Variants in SYNE1 observed in about 807,000 individuals in gnomAD.
SYNE1 encodes the protein nesprin-1.
In SYNE1, 616 loss-of-function variants were observed where a neutral mutation model predicts 1,111.0. That is an observed-to-expected ratio of 0.55 (90% CI 0.52 to 0.59). The LOEUF (loss-of-function observed/expected upper bound fraction) is 0.59, where lower values mean the gene tolerates loss of function less well. Among genes scored for constraint, SYNE1 ranks in the 20% least tolerant of loss-of-function variants. The pLI is 0.00. For synonymous variants in SYNE1, 3,855 were observed against 3,825.8 expected (o/e 1.01, Z -0.28); for missense variants, 10,006 against 10,417.0 (o/e 0.96, Z 1.72).
intron 3 of SYNE1, among the ~76,000 whole-genome samples, chr6:152,551,243 G>A (rs971066723): frequency 2.6e-5 from 4 of 152,088 alleles, no homozygotes; most frequent in South Asian, 2.1e-4. Flanking sequence ...AACCTGCCAC[G>A]TACACAGAGA....
chr6:152,367,554 A>G, intron 61 of SYNE1, 172 bp from the exon 62 acceptor site: 1 of 755,304 alleles, frequency 1.3e-6, no homozygotes. Context: ...AAATCATAAA[A>G]CTATTAGAAT....
At chr6:152,604,990 AAGAAAGAAAGAAAGAAAGAGAGAG>A (rs1179281272) in intron 3 of SYNE1, among the ~76,000 whole-genome samples, 6 of 27,220 alleles carry the variant, frequency 2.2e-4, no homozygotes, top group African/African-American at 5.2e-4. Context: ...GAAAGAAAGA[AAGAAAGAAAGAAAGAAAGAGAGAG>A]AGAGAGAGAG....
intron 129 of SYNE1, among the ~76,000 whole-genome samples, chr6:152,177,986 G>A (rs1008758890): frequency 6.6e-6 from 1 of 151,040 alleles, no homozygotes; most frequent in Non-Finnish European, 1.5e-5. Context: ...ACCAAACCTT[G>A]ATGTTATTTT....
intron 133 of SYNE1, among the ~76,000 whole-genome samples, chr6:152,152,815 T>G (rs1215977912): frequency 6.6e-6 from 1 of 152,164 alleles, no homozygotes; most frequent in Non-Finnish European, 1.5e-5. Context: ...TTTAATTAGT[T>G]TTTATAAAAC....
At chr6:152,449,924 G>T (rs2098633408) in intron 27 of SYNE1, among the ~76,000 whole-genome samples, 1 of 152,200 alleles carries the variant, frequency 6.6e-6, no homozygotes, top group Non-Finnish European at 1.5e-5. Context: ...GGGACCACTT[G>T]AGGTCTGGCC....
intron 29 of SYNE1, among the ~76,000 whole-genome samples, chr6:152,445,228 C>T (rs1289922177): frequency 1.3e-5 from 2 of 151,272 alleles, no homozygotes; most frequent in Non-Finnish European, 3.0e-5. Flanking sequence ...AAAGTGAGTC[C>T]GTATTATTTA....
chr6:152,613,240 T>C (rs1201948762), intron 3 of SYNE1, among the ~76,000 whole-genome samples: 2 of 152,184 alleles, frequency 1.3e-5, no homozygotes, highest in Non-Finnish European at 2.9e-5. Flanking sequence ...ATTGTATATT[T>C]AGAAAACCCC....
chr6:152,132,631 T>C (rs2056072855), intron 143 of SYNE1, among the ~76,000 whole-genome samples: 1 of 152,220 alleles, frequency 6.6e-6, no homozygotes, highest in Non-Finnish European at 1.5e-5. Flanking sequence ...TCTGCCTTTT[T>C]GCATTAGAGG....
At chr6:152,432,139 G>A (rs909771402) in intron 34 of SYNE1, among the ~76,000 whole-genome samples, 35 of 152,224 alleles carry the variant, frequency 2.3e-4, no homozygotes, top group African/African-American at 7.9e-4. Context: ...CCCAGCATAT[G>A]TTCTTATCAT....
rs1237477453 is a variant in SYNE1, at chr6:152,413,347, C to T, written c.6230+5G>A. 1.2e-6 allele frequency: 2 copies of T among 1,613,978 alleles called. No individual in the cohort carries two copies. Among genetic ancestry groups the T allele is most frequent in the Admixed American group, 1.7e-5 (1 of 59,994 alleles). On this transcript the variant is annotated splice_donor_5th_base_variant and intron_variant, in intron 42 of 145. Coordinates refer to ENST00000367255, the MANE Select transcript of SYNE1 (RefSeq NM_182961.4). ...AAAACAAGAACTGGGTGGGTTTTGA[C>T]TTACTTTTCATGAATTAGTCTTTTG...
intron 4 of SYNE1, among the ~76,000 whole-genome samples, chr6:152,528,606 G>A (rs558843779): frequency 6.5e-4 from 99 of 152,308 alleles, no homozygotes; most frequent in African/African-American, 2.3e-3. Flanking sequence ...TCATAGTGCT[G>A]AAGGTCAAAA....
At chr6:152,483,002 G>T in intron 14 of SYNE1, 83 bp downstream of exon 14, 2 of 1,495,896 alleles carry the variant, frequency 1.3e-6, no homozygotes, top group Non-Finnish European at 9.3e-7. Context: ...GGGCGTCCCC[G>T]CCAGAGCAGG....
At chr6:152,607,361 C>T (rs185367814) in intron 3 of SYNE1, among the ~76,000 whole-genome samples, 1 of 151,958 alleles carries the variant, frequency 6.6e-6, no homozygotes, top group South Asian at 2.1e-4. Flanking sequence ...GTAAGGAAGT[C>T]CTATAGAAAA....
In SYNE1 at chr6:152,427,208, T is replaced by G. The variant is rs144573574; in HGVS notation, c.5100+485A>C. ...ATTACCTACATTTGTGCTCATTCATTTTTTTCTGTCTTCCATAAGAATAAT... is the reference window on the plus strand; with the variant it reads ...ATTACCTACATTTGTGCTCATTCATGTTTTTCTGTCTTCCATAAGAATAAT... On this transcript the variant is annotated intron_variant, in intron 38 of 145. Coordinates refer to ENST00000367255, the MANE Select transcript of SYNE1 (RefSeq NM_182961.4). Among the ~76,000 whole-genome samples, 854 of 152,344 alleles carry G rather than the reference T, an allele frequency of 5.6e-3. 4 individuals carry two copies. Among genetic ancestry groups the G allele is most frequent in the Middle Eastern group, 0.01 (3 of 294 alleles).
chr6:152,570,523 T>C (rs1595570607), intron 3 of SYNE1, among the ~76,000 whole-genome samples: 1 of 152,164 alleles, frequency 6.6e-6, no homozygotes, highest in African/African-American at 2.4e-5. Flanking sequence ...CTTGACCCTT[T>C]TGGGGAGGTG....
intron 145 of SYNE1, chr6:152,128,713 A>G (rs1187693220): frequency 6.6e-6 from 1 of 152,232 alleles, no homozygotes; most frequent in Non-Finnish European, 1.5e-5. Context: ...TAAACTATTT[A>G]TGCTTCTGCA....
chr6:152,572,273 T>A (rs1240612372), intron 3 of SYNE1, among the ~76,000 whole-genome samples: 1 of 152,198 alleles, frequency 6.6e-6, no homozygotes, highest in Non-Finnish European at 1.5e-5. Flanking sequence ...CCAAAGTATG[T>A]TCTATTTTTG....
chr6:152,450,591 C>T, intron 27 of SYNE1, 34 bp downstream of exon 27: 5 of 1,559,630 alleles, frequency 3.2e-6, no homozygotes, highest in Non-Finnish European at 4.4e-6. Context: ...TTAAGTTTGA[C>T]TACACCCCTC....
intron 133 of SYNE1, 25 bp from the exon 134 acceptor site, chr6:152,152,166 G>A: frequency 1.2e-6 from 2 of 1,610,844 alleles, no homozygotes; most frequent in Middle Eastern, 1.7e-4. Context: ...AAGCATATCA[G>A]TGTGAGAAAT....
Sources: allele counts gnomAD v4.1 joint callset (sites outside exome capture counted in the v4.1 genomes callset), GRCh38; gene constraint gnomAD v4.1.1; transcripts MANE v1.5; gene names NCBI Gene and HGNC (gene_info 2026-07-23, HGNC 2026-07-21).